The following PANK4 variants were observed in gnomAD, a reference collection of about 807,000 sequenced individuals.
PANK4 encodes 4'-phosphopantetheine phosphatase.
PANK4 carries 40 observed loss-of-function variants against 87.9 expected under a neutral mutation model. That is an observed-to-expected ratio of 0.46 (90% CI 0.35 to 0.59). PANK4 has a LOEUF of 0.59. PANK4 is among the 20% of genes least tolerant of loss of function. The pLI is 0.00. For missense variants in PANK4, 926 were observed against 1,072.3 expected (o/e 0.86, Z 1.90); for synonymous variants, 524 against 467.4 (o/e 1.12, Z -1.56).
rs2100792848 is a variant in PANK4 at position 2,521,312 on chromosome 1, T to C, written c.211A>G (p.Thr71Ala). Residue 71 changes from threonine (T) to alanine (A), a missense_variant, in exon 3 of 19, where the codon ACA (threonine) becomes GCA (alanine). By Grantham distance (58) the Thr-to-Ala change is moderately conservative. Coordinates refer to ENST00000378466, the MANE Select transcript of PANK4 (RefSeq NM_018216.4). ...VRSFDHSGKD[T>A]EREHEPPYEI... is the part of the protein sequence containing the mutation. ...TAGGGCGGCTCATGTTCACGTTCTG[T>C]GTCCTGGAAAACAGAGTAGGGGAGG... 1.2e-6 allele frequency: 2 copies of C among 1,613,196 alleles called. No individual in the cohort carries two copies. Among genetic ancestry groups the C allele is most frequent in the East Asian group, 2.2e-5 (1 of 44,888 alleles).
Position 2,509,644 on chromosome 1 carries a change from A to T in PANK4, c.2108+218T>A, listed in dbSNP as rs1166836461. ...TGCCCCAAGTCCCCAAACCCAGCCCATGTGTAACCACCTCAGACCCTGAAT... is the reference window on the plus strand; with the variant it reads ...TGCCCCAAGTCCCCAAACCCAGCCCTTGTGTAACCACCTCAGACCCTGAAT... On this transcript the variant is annotated intron_variant, in intron 18 of 18. Transcript: ENST00000378466. This position sits in a 1 kb window ranked among gnomAD's most constrained non-coding sequence, Gnocchi z 4.9. 1 of 603,826 alleles carries T rather than the reference A, an allele frequency of 1.7e-6. No individual in the cohort carries two copies. Among genetic ancestry groups the T allele is most frequent in the African/African-American group, 1.9e-5 (1 of 53,818 alleles). The allele number at this position is 603,826 out of a possible 1,614,324, so 37.4% of individuals were successfully genotyped here.
In PANK4 at chr1:2,520,412, C is replaced by T. The variant is rs199706720; in HGVS notation, c.609G>A (p.Val203=). ...NIGSGVSIVK[V]ETEDRFEWVG... The stretch of plus-strand genomic sequence containing the variant: ...CCCACTCGAACCTGTCCTCCGTCTC[C>T]ACCTGCAACAGAGCCAGGGCAGGTG... Residue 203 remains valine, a splice_region_variant and synonymous_variant, in exon 5 of 19, where the codon GTG becomes GTA. Coordinates refer to ENST00000378466, the MANE Select transcript of PANK4 (RefSeq NM_018216.4). This position sits in a 1 kb window ranked among gnomAD's most constrained non-coding sequence, Gnocchi z 6.2. 3 of 1,612,600 alleles carry T rather than the reference C, an allele frequency of 1.9e-6. No homozygotes were observed. Among genetic ancestry groups the T allele is most frequent in the East Asian group, 2.2e-5 (1 of 44,888 alleles).
intron 13 of PANK4, 94 bp downstream of exon 13, chr1:2,512,776 ACCAAGCGCCACGTGACCC>A (rs1643684971): frequency 4.6e-6 from 5 of 1,091,412 alleles, no homozygotes; most frequent in Non-Finnish European, 6.8e-6. Context: ...CCACCAAGCC[ACCAAGCGCCACGTGACCC>A]CCAAGGGACC....
At chr1:2,518,678 G>GCGAGGC in intron 7 of PANK4, 81 bp from the exon 8 acceptor site, 1 of 1,181,154 alleles carries the variant, frequency 8.5e-7, no homozygotes, top group Non-Finnish European at 1.2e-6. Context: ...ACGTGCGCGG[G>GCGAGGC]CCTCGCACCG....
rs1269335190 is a variant in PANK4 at position 2,519,191 on chromosome 1, G to A, written c.987C>T (p.His329=). The change falls in exon 7 of 19, where the codon CAC becomes CAT. Residue 329 remains histidine, a synonymous_variant. Transcript: ENST00000378466. The surrounding 1 kb of genome is among the most constrained non-coding windows in gnomAD (Gnocchi z 8.3). ...VYFGGFFIRG[H]PVTMRTITYS... is the part of the protein sequence containing the mutation. ...AGGTGATGGTGCGCATGGTCACGGGGTGGCCCCGGATAAAGAAGCCTCCAA... is the reference window on the plus strand; with the variant it reads ...AGGTGATGGTGCGCATGGTCACGGGATGGCCCCGGATAAAGAAGCCTCCAA... 3.1e-6 allele frequency: 5 copies of A among 1,612,828 alleles called. No individual in the cohort carries two copies. Among genetic ancestry groups the A allele is most frequent in the South Asian group, 1.1e-5 (1 of 91,080 alleles).
In PANK4 at chr1:2,515,430, A is replaced by G; in HGVS notation, c.1374+132T>C. On this transcript the variant is annotated intron_variant, in intron 10 of 18. Coordinates refer to ENST00000378466, the MANE Select transcript of PANK4 (RefSeq NM_018216.4). This position sits in a 1 kb window ranked among gnomAD's most constrained non-coding sequence, Gnocchi z 5.0. ...AGAAACCAAAATCGCCCCCTCACTC[A>G]GACGCAGATCAAGGGGTTTCTGGAC... is the stretch of plus-strand genomic sequence containing the variant. 1 of 1,022,832 alleles carries G rather than the reference A, an allele frequency of 9.8e-7. No individual in the cohort carries two copies. The highest frequency in any genetic ancestry group is 1.5e-6 in the Non-Finnish European group (1 of 664,632). The allele number at this position is 1,022,832 out of a possible 1,614,324, so 63.4% of individuals were successfully genotyped here.
chr1:2,517,241 C>A (rs1339770529), intron 9 of PANK4, among the ~76,000 whole-genome samples: 1 of 152,216 alleles, frequency 6.6e-6, no homozygotes, highest in African/African-American at 2.4e-5. Context: ...AGGGCTGCGG[C>A]CAGTGTGGTG....
rs993521219 is a variant in PANK4, at chr1:2,510,989, G to A, written c.1834-207C>T. Among the ~76,000 whole-genome samples, 2 of 151,978 alleles carry A rather than the reference G, an allele frequency of 1.3e-5. No individual in the cohort carries two copies. Among genetic ancestry groups the A allele is most frequent in the African/African-American group, 4.8e-5 (2 of 41,400 alleles). ...GCCGGGACTGGGCTGGGCTGCAGGG[G>A]CTGAGACCGGGACTTCAGGACCCCA... On this transcript the variant is annotated intron_variant, in intron 15 of 18. Transcript: ENST00000378466. This position sits in a 1 kb window ranked among gnomAD's most constrained non-coding sequence, Gnocchi z 4.9.
chr1:2,523,828 G>A (rs1050318946), intron 1 of PANK4, among the ~76,000 whole-genome samples: 5 of 152,236 alleles, frequency 3.3e-5, no homozygotes, highest in African/African-American at 9.6e-5. Context: ...AGCAAACCGC[G>A]CCTGGCAAGG....
At position 2,520,614 on chromosome 1, in the gene PANK4, C is replaced by A; in HGVS notation, c.606+109G>T. The A allele has an allele frequency of 8.4e-7, 1 of 1,184,254 alleles. No individual in the cohort carries two copies. Among genetic ancestry groups the A allele is most frequent in the South Asian group, 1.4e-5 (1 of 71,972 alleles). 73.4% of individuals were successfully genotyped at this position (1,184,254 alleles called of 1,614,324 possible). A position where few individuals can be genotyped will look rare whatever the true frequency, so the allele number is the denominator to read the frequency against. The stretch of plus-strand genomic sequence containing the variant: ...GCTCACAGCCTCGCCACCCCCCTCC[C>A]GCCCACTGGGCCCCATCCATGTGCC... On this transcript the variant is annotated intron_variant, in intron 4 of 18. Transcript: ENST00000378466. This position sits in a 1 kb window ranked among gnomAD's most constrained non-coding sequence, Gnocchi z 6.2.
intron 1 of PANK4, among the ~76,000 whole-genome samples, chr1:2,524,377 A>C (rs1379787632): frequency 2.6e-5 from 4 of 152,190 alleles, no homozygotes; most frequent in African/African-American, 9.7e-5. Flanking sequence ...TGGGTTGAAG[A>C]CACCCCACCC....
intron 1 of PANK4, among the ~76,000 whole-genome samples, chr1:2,522,451 G>A (rs1394986541): frequency 6.6e-6 from 1 of 152,196 alleles, no homozygotes; most frequent in African/African-American, 2.4e-5. Flanking sequence ...GTGGCTTCCA[G>A]GATGCCGCCT....
Position 2,511,609 on chromosome 1 carries a change from G to T in PANK4, c.1783+19C>A. 6.3e-7 allele frequency: 1 copy of T among 1,583,118 alleles called. No homozygotes were observed. The highest frequency in any genetic ancestry group is 8.7e-7 in the Non-Finnish European group (1 of 1,152,210). ...GCCCCAGCACAAGGCAAGGCCCCAA[G>T]TTACTTGGCCATCCGTACCTTGTAA... is the stretch of plus-strand genomic sequence containing the variant. On this transcript the variant is annotated intron_variant, in intron 14 of 18. Transcript: ENST00000378466.
chr1:2,513,510 C>A (rs536840231), intron 12 of PANK4, among the ~76,000 whole-genome samples: 3 of 152,214 alleles, frequency 2.0e-5, no homozygotes, highest in African/African-American at 7.2e-5. Flanking sequence ...GGAAGCAAAA[C>A]GGACGCCCGG....
intron 14 of PANK4, 83 bp downstream of exon 14, chr1:2,511,545 C>A (rs1231060368): frequency 5.3e-6 from 6 of 1,139,626 alleles, no homozygotes; most frequent in African/African-American, 3.0e-5. Context: ...GGACCCCGAC[C>A]GCAACTGCAT....
chr1:2,514,657 G>T (rs1353640731), intron 10 of PANK4, among the ~76,000 whole-genome samples, 191 bp from the exon 11 acceptor site: 2 of 138,034 alleles, frequency 1.4e-5, no homozygotes. Context: ...GGGCAGGGTG[G>T]GGGCTAGCTA....
At position 2,520,551 on chromosome 1, in the gene PANK4, G is replaced by A. The variant is rs1490196656; in HGVS notation, c.607-137C>T. The A allele has an allele frequency of 3.1e-6, 3 of 965,010 alleles. No homozygotes were observed. Among genetic ancestry groups the A allele is most frequent in the Non-Finnish European group, 4.6e-6 (3 of 649,318 alleles). 59.8% of individuals were successfully genotyped at this position (965,010 alleles called of 1,614,324 possible). ...CCAGTGGGAGGACTCTCATGGCCAA[G>A]CCTGGGGGCGCTGATGCCCCTCCCA... On this transcript the variant is annotated intron_variant, in intron 4 of 18. Transcript: ENST00000378466. This position sits in a 1 kb window ranked among gnomAD's most constrained non-coding sequence, Gnocchi z 6.2.
intron 1 of PANK4, among the ~76,000 whole-genome samples, chr1:2,523,926 G>A (rs1643898980): frequency 6.6e-6 from 1 of 152,244 alleles, no homozygotes; most frequent in Admixed American, 6.5e-5. Context: ...GGGCTTCCCA[G>A]AGGTTTGGTC....
intron 1 of PANK4, 36 bp from the exon 2 acceptor site, chr1:2,521,836 C>T (rs111932140): frequency 4.4e-5 from 68 of 1,557,286 alleles, no homozygotes; most frequent in African/African-American, 4.3e-4. Context: ...GGATTCAGGA[C>T]CAGGACACAG....
Sources: gnomAD v4.1 joint callset for allele counts (sites outside exome capture counted in the v4.1 genomes callset) on GRCh38, gnomAD v4.1.1 for gene constraint, Gnocchi (gnomAD v3.1) non-coding constraint, MANE v1.5 for transcripts, NCBI Gene and HGNC (gene_info 2026-07-23, HGNC 2026-07-21) for gene names.